The following CENPP variants were observed in gnomAD, a reference collection of about 807,000 sequenced individuals.
CENPP encodes the protein centromere protein P.
In CENPP, 24 loss-of-function variants were observed where a neutral mutation model predicts 35.6. That is an observed-to-expected ratio of 0.67 (90% CI 0.49 to 0.95). The LOEUF is 0.95. CENPP is among the 40% of genes least tolerant of loss of function. The probability of loss-of-function intolerance (pLI) is 0.00; values close to 1 mark genes in which losing one functional copy is unlikely to be tolerated. For missense variants in CENPP, 332 were observed against 345.3 expected (o/e 0.96, Z 0.31); for synonymous variants, 120 against 125.5 (o/e 0.96, Z 0.29).
At chr9:92,604,744 G>A (rs1851025315) in intron 5 of CENPP, among the ~76,000 whole-genome samples, 1 of 151,526 alleles carries the variant, frequency 6.6e-6, no homozygotes. Context: ...AAAGGCATGT[G>A]ACACTATGCC....
At chr9:92,388,460 C>G (rs1842527650) in intron 5 of CENPP, among the ~76,000 whole-genome samples, 1 of 152,012 alleles carries the variant, frequency 6.6e-6, no homozygotes, top group African/African-American at 2.4e-5. Flanking sequence ...CTGAACCTGT[C>G]CTGATCAACT....
intron 4 of CENPP, among the ~76,000 whole-genome samples, chr9:92,369,105 T>A (rs1250283738): frequency 1.3e-5 from 2 of 152,100 alleles, no homozygotes; most frequent in African/African-American, 4.8e-5. Flanking sequence ...ACTAATAATA[T>A]AGTGAGGCTA....
At chr9:92,511,505 C>T (rs1212596778) in intron 5 of CENPP, among the ~76,000 whole-genome samples, 1 of 151,678 alleles carries the variant, frequency 6.6e-6, no homozygotes, top group Non-Finnish European at 1.5e-5. Flanking sequence ...CCTGTTCTCT[C>T]TCTTTCCCTC....
intron 4 of CENPP, among the ~76,000 whole-genome samples, chr9:92,375,046 T>G (rs1290917719): frequency 6.6e-6 from 1 of 152,168 alleles, no homozygotes; most frequent in African/African-American, 2.4e-5. Flanking sequence ...GTTTATCCTA[T>G]TTGCAGTTTA....
intron 5 of CENPP, chr9:92,482,619 A>G (rs913572793): frequency 1.3e-5 from 2 of 152,254 alleles, no homozygotes; most frequent in African/African-American, 2.4e-5. Flanking sequence ...TGAAGAAGAA[A>G]AAAAAAGAAA....
chr9:92,616,102 C>T lies in CENPP; in HGVS notation c.*2953C>T, dbSNP rs755393370. Reference sequence around the variant, plus strand: ...TTTCAGGATACACAAGCCCCCCATTCATTTCCCTCCCTCCCGTTCTCTCTC... The same window carrying T: ...TTTCAGGATACACAAGCCCCCCATTTATTTCCCTCCCTCCCGTTCTCTCTC... On this transcript the variant is annotated 3_prime_UTR_variant, in exon 8 of 8. Coordinates refer to ENST00000375587, the MANE Select transcript of CENPP (RefSeq NM_001012267.3). 3.4e-5 allele frequency: 45 copies of T among 1,342,160 alleles called. No homozygotes were observed. Among genetic ancestry groups the T allele is most frequent in the Non-Finnish European group, 4.4e-5 (42 of 948,934 alleles). The allele number at this position is 1,342,160 out of a possible 1,614,324, so 83.1% of individuals were successfully genotyped here. A position where few individuals can be genotyped will look rare whatever the true frequency, so the allele number is the denominator to read the frequency against.
At chr9:92,514,759 G>A in intron 5 of CENPP, 7 of 1,614,090 alleles carry the variant, frequency 4.3e-6, no homozygotes, top group Non-Finnish European at 5.1e-6. Context: ...GCCTCTGGGA[G>A]GAGCAGGAAG....
At chr9:92,393,383 G>A in intron 5 of CENPP, 2 of 628,886 alleles carry the variant, frequency 3.2e-6, no homozygotes, top group South Asian at 6.3e-5. Flanking sequence ...GATAGTCATG[G>A]TAACTCGTTA....
Position 92,616,020 on chromosome 9 carries a change from T to G in CENPP, c.*2871T>G. 2 of 1,614,168 alleles carry G rather than the reference T, an allele frequency of 1.2e-6. No homozygotes were observed. The highest frequency in any genetic ancestry group is 1.1e-5 in the South Asian group (1 of 91,064). Reference sequence around the variant, plus strand: ...AGCACAGACACGGAAAAGGCAAACCTGGACCTCGATGAAGGGACGACAGGC... The same window carrying G: ...AGCACAGACACGGAAAAGGCAAACCGGGACCTCGATGAAGGGACGACAGGC... On this transcript the variant is annotated 3_prime_UTR_variant, in exon 8 of 8. Coordinates refer to ENST00000375587, the MANE Select transcript of CENPP (RefSeq NM_001012267.3).
intron 5 of CENPP, chr9:92,538,919 T>TTA (rs1849251686): frequency 6.6e-6 from 1 of 152,164 alleles, no homozygotes; most frequent in African/African-American, 2.4e-5. Flanking sequence ...TTTTTCCTGA[T>TTA]TGTCTAGAGT....
At position 92,614,414 on chromosome 9, in the gene CENPP, C is replaced by A. The variant is rs1851367276; in HGVS notation, c.*1265C>A. ...TCACCAAAGCCCCCATCCCAGCACACAGGACCCGTGTGTATGAGACGGTGT... is the reference window on the plus strand; with the variant it reads ...TCACCAAAGCCCCCATCCCAGCACAAAGGACCCGTGTGTATGAGACGGTGT... On this transcript the variant is annotated 3_prime_UTR_variant, in exon 8 of 8. Coordinates refer to ENST00000375587, the MANE Select transcript of CENPP (RefSeq NM_001012267.3). 1 of 152,296 alleles carries A rather than the reference C, an allele frequency of 6.6e-6. No homozygotes were observed. The highest frequency in any genetic ancestry group is 2.4e-5 in the African/African-American group (1 of 41,450). The allele number at this position is 152,296 out of a possible 1,614,324, so 9.4% of individuals were successfully genotyped here. A position where few individuals can be genotyped will look rare whatever the true frequency, so the allele number is the denominator to read the frequency against.
chr9:92,421,196 C>T (rs944352557), intron 5 of CENPP, among the ~76,000 whole-genome samples: 2 of 152,104 alleles, frequency 1.3e-5, no homozygotes, highest in Admixed American at 6.5e-5. Context: ...CGTGCCACCA[C>T]ACCTGGCTAA....
intron 5 of CENPP, among the ~76,000 whole-genome samples, chr9:92,543,471 CAAAAA>C (rs71362401): frequency 0.053 from 2,344 of 44,320 alleles, 13 homozygotes; most frequent in South Asian, 0.14. Flanking sequence ...AACCCTGTCT[CAAAAA>C]AAAAAAAAAA....
chr9:92,489,807 C>G (rs1437156702), intron 5 of CENPP, among the ~76,000 whole-genome samples: 1 of 152,094 alleles, frequency 6.6e-6, no homozygotes, highest in African/African-American at 2.4e-5. Context: ...TTGTTAATTT[C>G]CCACCTACTC....
intron 5 of CENPP, among the ~76,000 whole-genome samples, chr9:92,537,424 G>T (rs1849209632): frequency 1.3e-5 from 2 of 152,058 alleles, no homozygotes; most frequent in South Asian, 4.2e-4. Flanking sequence ...ACTTTGGGAG[G>T]CAGAGACAGG....
intron 5 of CENPP, among the ~76,000 whole-genome samples, chr9:92,471,682 A>C: frequency 8.6e-6 from 1 of 116,036 alleles, no homozygotes; most frequent in African/African-American, 3.2e-5. Context: ...TTTTTTTTTT[A>C]ACTTGAGACA....
chr9:92,423,627 C>T (rs972205767), intron 5 of CENPP, among the ~76,000 whole-genome samples: 10 of 151,848 alleles, frequency 6.6e-5, no homozygotes, highest in South Asian at 6.2e-4. Flanking sequence ...ACATTTAAAT[C>T]GTAATTAACT....
intron 5 of CENPP, among the ~76,000 whole-genome samples, chr9:92,381,434 G>A (rs892432049): frequency 6.6e-6 from 1 of 152,040 alleles, no homozygotes; most frequent in Non-Finnish European, 1.5e-5. Context: ...ACAGGCACAC[G>A]CCACCATGTC....
chr9:92,460,508 G>A (rs1845067770), intron 5 of CENPP: 1 of 1,606,912 alleles, frequency 6.2e-7, no homozygotes, highest in South Asian at 1.1e-5. Context: ...AAATCCTCAA[G>A]TTCCACTGTT....
Sources: gnomAD v4.1 joint callset for allele counts (sites outside exome capture counted in the v4.1 genomes callset) on GRCh38, gnomAD v4.1.1 for gene constraint, MANE v1.5 for transcripts, NCBI Gene and HGNC (gene_info 2026-07-23, HGNC 2026-07-21) for gene names.